Variants in PRKDC observed in about 807,000 individuals in gnomAD.
The protein encoded by PRKDC is protein kinase, DNA-activated, catalytic subunit.
PRKDC carries 82 observed loss-of-function variants against 486.9 expected under a neutral mutation model. The ratio of observed to expected loss-of-function variants is 0.17; its 90% CI spans 0.14 to 0.20. PRKDC has a LOEUF of 0.20. PRKDC is among the 10% of genes least tolerant of loss of function. PRKDC has a pLI of 1.00. For synonymous variants in PRKDC, 1,895 were observed against 1,837.0 expected (o/e 1.03, Z -0.81); for missense variants, 4,504 against 5,038.2 (o/e 0.89, Z 3.21).
rs188155922 is a variant in PRKDC at position 47,907,769 on chromosome 8, C to T, written c.2935-2793G>A. ...GGGCTGGTCTCAAACTCCTGACCCC[C>T]GGCCAATTTATATACATTTAAATAT... is the stretch of plus-strand genomic sequence containing the variant. On this transcript the variant is annotated intron_variant, in intron 25 of 85. Coordinates refer to ENST00000314191, the MANE Select transcript of PRKDC (RefSeq NM_006904.7). Among the ~76,000 whole-genome samples, 141 of 151,908 alleles carry T rather than the reference C, an allele frequency of 9.3e-4. 1 individual carries two copies. Among genetic ancestry groups the T allele is most frequent in the South Asian group, 2.7e-3 (13 of 4,800 alleles).
chr8:47,774,878 T>C (rs995823616), intron 85 of PRKDC, among the ~76,000 whole-genome samples: 2 of 152,134 alleles, frequency 1.3e-5, no homozygotes, highest in African/African-American at 4.8e-5. Context: ...TCCTCCTGCC[T>C]TGGCCTCCCA....
At chr8:47,818,923 A>T (rs1435860116) in intron 67 of PRKDC, among the ~76,000 whole-genome samples, 1 of 152,212 alleles carries the variant, frequency 6.6e-6, no homozygotes, top group Non-Finnish European at 1.5e-5. Flanking sequence ...CATCAGCGAT[A>T]CAAAGGCCTT....
chr8:47,853,856 C>A (rs756380953), intron 51 of PRKDC, among the ~76,000 whole-genome samples: 1 of 152,140 alleles, frequency 6.6e-6, no homozygotes, highest in African/African-American at 2.4e-5. Flanking sequence ...GGTATAGATG[C>A]GGTCTTGCTA....
At chr8:47,866,863 T>C (rs2088830196) in intron 40 of PRKDC, among the ~76,000 whole-genome samples, 1 of 152,176 alleles carries the variant, frequency 6.6e-6, no homozygotes, top group Non-Finnish European at 1.5e-5. Flanking sequence ...TACAAGATGA[T>C]ATAAACACAA....
intron 22 of PRKDC, among the ~76,000 whole-genome samples, chr8:47,917,444 T>C (rs2090004388): frequency 6.6e-6 from 1 of 152,206 alleles, no homozygotes; most frequent in African/African-American, 2.4e-5. Context: ...GTTTGCATTA[T>C]CAGTTTTAGA....
Position 47,807,268 on chromosome 8 carries a change from T to C in PRKDC, c.9616A>G (p.Met3206Val), listed in dbSNP as rs1282914285. 4.3e-6 allele frequency: 7 copies of C among 1,611,966 alleles called. No individual in the cohort carries two copies. The highest frequency in any genetic ancestry group is 3.3e-5 in the Admixed American group (2 of 59,770). Residue 3206 changes from methionine (M) to valine (V), a missense_variant, in exon 69 of 86, where the codon ATG becomes GTG. Physicochemically the swap from Met to Val is conservative, Grantham distance 21. Coordinates refer to ENST00000314191, the MANE Select transcript of PRKDC (RefSeq NM_006904.7). ...GGGTCTCCATCTTGATCCACATTCA[T>C]ACTATTATCTTCTGGAAGAGGGGTA... ...KLTPLPEDNS[M>V]NVDQDGDPSD...
intron 48 of PRKDC, 94 bp downstream of exon 48, chr8:47,858,422 T>C (rs973526150): frequency 4.1e-6 from 5 of 1,211,316 alleles, no homozygotes; most frequent in South Asian, 1.7e-5. Flanking sequence ...TGTTTTTAAG[T>C]ATATTCATAG....
chr8:47,905,025 G>A (rs935850487), intron 25 of PRKDC, 49 bp from the exon 26 acceptor site: 3 of 1,354,552 alleles, frequency 2.2e-6, no homozygotes, highest in Non-Finnish European at 3.2e-6. Flanking sequence ...TTAAAGAAAT[G>A]TTACGCTGTA....
intron 54 of PRKDC, among the ~76,000 whole-genome samples, chr8:47,844,134 TTC>T (rs2088215360): frequency 6.6e-6 from 1 of 152,370 alleles, no homozygotes; most frequent in South Asian, 2.1e-4. Flanking sequence ...CTCAACTATC[TTC>T]TCTCTTCAAG....
chr8:47,943,462 G>T, intron 9 of PRKDC, 96 bp from the exon 10 acceptor site: 2 of 1,294,140 alleles, frequency 1.5e-6, no homozygotes, highest in Non-Finnish European at 2.1e-6. Flanking sequence ...TCAACACTGT[G>T]CTCAGGAAGA....
At chr8:47,862,327 T>C (rs1401115748) in intron 43 of PRKDC, 46 bp downstream of exon 43, 1 of 1,552,956 alleles carries the variant, frequency 6.4e-7, no homozygotes. Flanking sequence ...AATCTAACTT[T>C]TGAACTCCTA....
chr8:47,936,337 AGT>A lies in PRKDC; in HGVS notation c.1278+14_1278+15del, dbSNP rs753773674. 1 of 1,583,980 alleles carries A rather than the reference AGT, an allele frequency of 6.3e-7. No homozygotes were observed. Among genetic ancestry groups the A allele is most frequent in the African/African-American group, 1.4e-5 (1 of 73,672 alleles). On this transcript the variant is annotated intron_variant, in intron 12 of 85. Coordinates refer to ENST00000314191, the MANE Select transcript of PRKDC (RefSeq NM_006904.7). ...AGATTAAATACTTAAAATTGTGCTC[AGT>A]TTAGTTCACTTACTGTGTCAAGGTA...
chr8:47,831,966 A>G (rs1236105960), intron 59 of PRKDC, 40 bp from the exon 60 acceptor site: 2 of 1,561,866 alleles, frequency 1.3e-6, no homozygotes, highest in Admixed American at 1.7e-5. Context: ...CCCGCCGCCC[A>G]GACACTTGGC....
Position 47,957,281 on chromosome 8 carries a change from C to T in PRKDC, c.232-18G>A, listed in dbSNP as rs780360455. On this transcript the variant is annotated intron_variant, in intron 2 of 85. Transcript: ENST00000314191. ...TCACGAAACTGTAATGAAAGAGATA[C>T]ATATTGTAAATATGGGTAAGAGGAG... is the stretch of plus-strand genomic sequence containing the variant. The T allele has an allele frequency of 1.3e-6, 2 of 1,583,024 alleles. No homozygotes were observed. Among genetic ancestry groups the T allele is most frequent in the South Asian group, 1.1e-5 (1 of 89,196 alleles).
At chr8:47,810,927 G>A (rs753949686) in intron 68 of PRKDC, among the ~76,000 whole-genome samples, 1 of 152,072 alleles carries the variant, frequency 6.6e-6, no homozygotes, top group Non-Finnish European at 1.5e-5. Flanking sequence ...ACAGAGTCAG[G>A]GACCTATGGA....
chr8:47,821,014 T>C (rs1241786935), intron 65 of PRKDC, 71 bp from the exon 66 acceptor site: 1 of 981,714 alleles, frequency 1.0e-6, no homozygotes, highest in Admixed American at 2.9e-5. Context: ...TTTATTTCTA[T>C]TATATTCTTT....
At chr8:47,803,804 C>G (rs913650850) in intron 69 of PRKDC, among the ~76,000 whole-genome samples, 1 of 152,006 alleles carries the variant, frequency 6.6e-6, no homozygotes, top group Non-Finnish European at 1.5e-5. Context: ...AAAAAATTAG[C>G]CAGCACCATG....
At chr8:47,893,467 T>C (rs2089507950) in intron 30 of PRKDC, 80 bp from the exon 31 acceptor site, 4 of 1,324,100 alleles carry the variant, frequency 3.0e-6, no homozygotes, top group Admixed American at 3.4e-5. Flanking sequence ...AATTTCAAAA[T>C]GTTATGGGAC....
intron 14 of PRKDC, among the ~76,000 whole-genome samples, chr8:47,934,321 T>C (rs2090309271): frequency 6.6e-6 from 1 of 152,196 alleles, no homozygotes; most frequent in Non-Finnish European, 1.5e-5. Flanking sequence ...GCGGATCACC[T>C]GAGGTCAAGA....
Sources: allele counts gnomAD v4.1 joint callset (sites outside exome capture counted in the v4.1 genomes callset), GRCh38; gene constraint gnomAD v4.1.1; transcripts MANE v1.5; gene names NCBI Gene and HGNC (gene_info 2026-07-23, HGNC 2026-07-21).